Variants in LRMDA observed in about 807,000 individuals in gnomAD.
The protein encoded by LRMDA is leucine rich melanocyte differentiation associated.
Under a neutral mutation model 29.8 loss-of-function variants are expected in LRMDA, and 18 were observed. That is an observed-to-expected ratio of 0.60 (90% CI 0.42 to 0.90). The LOEUF (loss-of-function observed/expected upper bound fraction) is 0.90. LRMDA is among the 40% of genes least tolerant of loss of function. The probability of loss-of-function intolerance (pLI) is 0.00; values close to 1 mark genes in which losing one functional copy is unlikely to be tolerated. For missense variants in LRMDA, 273 were observed against 273.9 expected, an observed-to-expected ratio of 1.00 and a Z score of 0.02; for synonymous variants, 125 against 109.4, an observed-to-expected ratio of 1.14 and a Z score of -0.89.
intron 2 of LRMDA, among the ~76,000 whole-genome samples, chr10:75,669,918 A>C (rs1294626077): frequency 6.6e-6 from 1 of 152,224 alleles, no homozygotes; most frequent in Non-Finnish European, 1.5e-5. Context: ...ATGGTAGTTA[A>C]AGAAAAGGAG....
chr10:75,498,481 C>A (rs898040057), intron 2 of LRMDA, among the ~76,000 whole-genome samples: 1 of 152,076 alleles, frequency 6.6e-6, no homozygotes, highest in Non-Finnish European at 1.5e-5. Flanking sequence ...CGTGTGCATG[C>A]GTGCGTGTGT....
intron 6 of LRMDA, among the ~76,000 whole-genome samples, chr10:76,401,761 T>G (rs1417452440): frequency 1.3e-5 from 2 of 152,114 alleles, no homozygotes; most frequent in African/African-American, 4.8e-5. Flanking sequence ...TAAGAAATAC[T>G]ATGACAGGTT....
chr10:75,593,114 G>A (rs1176751510), intron 2 of LRMDA, among the ~76,000 whole-genome samples: 1 of 152,078 alleles, frequency 6.6e-6, no homozygotes. Flanking sequence ...GTCAACCTGG[G>A]GGCAGCGATG....
At chr10:75,999,379 A>G (rs1432910443) in intron 2 of LRMDA, among the ~76,000 whole-genome samples, 1 of 152,272 alleles carries the variant, frequency 6.6e-6, no homozygotes, top group East Asian at 1.9e-4. Flanking sequence ...AAGCTTTGTC[A>G]TAATGGAGGA....
intron 5 of LRMDA, among the ~76,000 whole-genome samples, chr10:76,164,195 G>A (rs1325268627): frequency 6.6e-6 from 1 of 152,090 alleles, no homozygotes; most frequent in Non-Finnish European, 1.5e-5. Flanking sequence ...TCCTGCATAG[G>A]AGACTGAACA....
chr10:75,450,173 TC>T (rs1159733366), intron 2 of LRMDA: 1 of 152,170 alleles, frequency 6.6e-6, no homozygotes, highest in Non-Finnish European at 1.5e-5. Flanking sequence ...TGCTTTCTCT[TC>T]CCTTTCACAC....
chr10:76,325,288 C>T (rs1466287149), intron 6 of LRMDA, among the ~76,000 whole-genome samples: 1 of 152,126 alleles, frequency 6.6e-6, no homozygotes, highest in Non-Finnish European at 1.5e-5. Flanking sequence ...GGGCTCTGGG[C>T]AAATGGGATA....
Position 76,007,017 on chromosome 10 carries a change from T to C in LRMDA, c.132-28991T>C, listed in dbSNP as rs939965763. On this transcript the variant is annotated intron_variant, in intron 2 of 6. Transcript: ENST00000611255. ...GTGTGTGTGTGTGTGTGTGTGTGTG[T>C]GTGTGTGTGTGTGTGCGCGTGTGTG... Among the ~76,000 whole-genome samples the C allele has an allele frequency of 7.6e-5, 9 of 117,988 alleles. No homozygotes were observed. The East Asian group carries it at 1.2e-3, about 15-fold the overall frequency. The allele number at this position is 117,988 out of a possible 152,430, so 77.4% of individuals were successfully genotyped here. A position where few individuals can be genotyped will look rare whatever the true frequency, so the allele number is the denominator to read the frequency against.
At chr10:76,131,516 A>G (rs1034362828) in intron 5 of LRMDA, among the ~76,000 whole-genome samples, 5 of 152,202 alleles carry the variant, frequency 3.3e-5, no homozygotes, top group African/African-American at 1.2e-4. Context: ...TCTTAGAAAT[A>G]TTTAAGATCT....
intron 6 of LRMDA, among the ~76,000 whole-genome samples, chr10:76,406,879 T>C (rs1841907838): frequency 6.6e-6 from 1 of 152,056 alleles, no homozygotes; most frequent in South Asian, 2.1e-4. Context: ...TAGAAAAACT[T>C]CAAAGTTTTA....
At chr10:76,180,453 G>C (rs1268411975) in intron 5 of LRMDA, among the ~76,000 whole-genome samples, 1 of 151,652 alleles carries the variant, frequency 6.6e-6, no homozygotes, top group African/African-American at 2.4e-5. Context: ...CTAATTTTTT[G>C]TATTTTTAGT....
rs563772179 is a variant in LRMDA at position 75,532,092 on chromosome 10, A to AGC, written c.131+93599_131+93600dup. On this transcript the variant is annotated intron_variant, in intron 2 of 6. Transcript: ENST00000611255. Reference sequence around the variant, plus strand: ...AAAAAAAAAAAGGAAAGAGCCAGTGAGCAGTACAAGGGGGTGTTTAAAAAT... The same window carrying AGC: ...AAAAAAAAAAAGGAAAGAGCCAGTGAGCGCAGTACAAGGGGGTGTTTAAAAAT... 6.0e-3 allele frequency among the ~76,000 whole-genome samples: 900 copies of AGC among 149,974 alleles called. 14 individuals are homozygous for AGC. The highest frequency in any genetic ancestry group is 8.1e-3 in the Non-Finnish European group (549 of 67,634).
chr10:76,194,190 G>T (rs1851294693), intron 5 of LRMDA, among the ~76,000 whole-genome samples: 1 of 152,182 alleles, frequency 6.6e-6, no homozygotes, highest in African/African-American at 2.4e-5. Flanking sequence ...GATTTGGCCT[G>T]TTTGTAGTAG....
intron 6 of LRMDA, among the ~76,000 whole-genome samples, chr10:76,429,023 T>TACACACACACACACAAAAAC (rs1554820434): frequency 6.7e-6 from 1 of 149,846 alleles, no homozygotes; most frequent in Non-Finnish European, 1.5e-5. Flanking sequence ...CTGCCAATTA[T>TACACACACACACACAAAAAC]ACACACACAC....
chr10:75,625,297 A>G lies in LRMDA; in HGVS notation c.131+186803A>G, dbSNP rs142198925. ...CATAACAACCCTGTGAGAGAGGACT[A>G]TCAATATTCCCATTTTAAAGATGAG... On this transcript the variant is annotated intron_variant, in intron 2 of 6. Coordinates refer to ENST00000611255, the MANE Select transcript of LRMDA (RefSeq NM_001305581.2). Among the ~76,000 whole-genome samples the G allele has an allele frequency of 7.3e-4, 111 of 152,364 alleles. 1 individual carries two copies. Among genetic ancestry groups the G allele is most frequent in the African/African-American group, 2.4e-3 (100 of 41,592 alleles).
intron 5 of LRMDA, among the ~76,000 whole-genome samples, chr10:76,230,399 CA>C (rs544829295): frequency 6.7e-6 from 1 of 150,252 alleles, no homozygotes; most frequent in East Asian, 1.9e-4. Flanking sequence ...ACTGTAGTTT[CA>C]AAAAAAAGTA....
intron 2 of LRMDA, among the ~76,000 whole-genome samples, chr10:75,584,189 G>A (rs937954041): frequency 4.6e-5 from 7 of 151,876 alleles, no homozygotes; most frequent in African/African-American, 1.7e-4. Flanking sequence ...TTGCTTCTGT[G>A]CTTTTACTCA....
chr10:75,854,145 G>C (rs1489177595), intron 2 of LRMDA, among the ~76,000 whole-genome samples: 1 of 152,178 alleles, frequency 6.6e-6, no homozygotes, highest in African/African-American at 2.4e-5. Context: ...TGCAGGAGGA[G>C]CTCATGCGAA....
intron 4 of LRMDA, among the ~76,000 whole-genome samples, chr10:76,049,338 A>T (rs1321349693): frequency 2.6e-5 from 4 of 152,182 alleles, no homozygotes; most frequent in Non-Finnish European, 5.9e-5. Context: ...AGTCAAAATT[A>T]ACTTAGAAAA....
Sources: allele counts gnomAD v4.1 joint callset (sites outside exome capture counted in the v4.1 genomes callset), GRCh38; gene constraint gnomAD v4.1.1; transcripts MANE v1.5; gene names NCBI Gene and HGNC (gene_info 2026-07-23, HGNC 2026-07-21).